KIAA1549L: variants seen among roughly 807,000 people sequenced by gnomAD.
The protein encoded by KIAA1549L is KIAA1549 like, also known as UPF0606 protein KIAA1549L.
A neutral mutation model predicts 160.7 loss-of-function variants in KIAA1549L; 88 were observed. The observed-to-expected ratio is 0.55, with a 90% CI of 0.46 to 0.65. KIAA1549L has a LOEUF of 0.65. Among genes scored for constraint, KIAA1549L ranks in the 30% least tolerant of loss-of-function variants. KIAA1549L has a pLI of 0.00. For synonymous variants in KIAA1549L, 950 were observed against 976.7 expected (o/e 0.97, Z 0.51); for missense variants, 2,258 against 2,437.5 (o/e 0.93, Z 1.55).
chr11:33,543,557 C>T lies in KIAA1549L; in HGVS notation c.1994C>T (p.Ala665Val), dbSNP rs749670752. 2.5e-6 allele frequency: 4 copies of T among 1,614,022 alleles called. No homozygotes were observed. The Admixed American group carries it at 5.0e-5, about 20-fold the overall frequency. The change falls in exon 2 of 21, where the codon GCT becomes GTT. Residue 665 changes from alanine to valine, a missense_variant. By Grantham distance (64) the Ala-to-Val change is moderately conservative. This residue lies in a region of KIAA1549L where 287 missense variants were observed against 292.3 expected (regional missense o/e 0.98). Coordinates refer to ENST00000658780, the MANE Select transcript of KIAA1549L (RefSeq NM_012194.3). ...GACCATTCTGGGTTGCCAGCTTCAG[C>T]TTCCAAACAGGTGAGAGCATCGCCC... is the stretch of plus-strand genomic sequence containing the variant. Reference protein sequence around the residue: ...AVDHSGLPASASKQVRASPSS... With the variant: ...AVDHSGLPASVSKQVRASPSS...
chr11:33,659,954 C>T (rs1401565589), intron 19 of KIAA1549L, among the ~76,000 whole-genome samples: 2 of 152,332 alleles, frequency 1.3e-5, no homozygotes, highest in Middle Eastern at 6.8e-3. Context: ...CTCTCATCCC[C>T]TAGCCACGGC....
At chr11:33,430,930 G>A (rs985423667) in intron 1 of KIAA1549L, among the ~76,000 whole-genome samples, 9 of 152,220 alleles carry the variant, frequency 5.9e-5, no homozygotes, top group African/African-American at 1.9e-4. Flanking sequence ...GAATGAAGCC[G>A]TGGACCCTCG....
At chr11:33,614,576 ATATATATATTTTT>A in intron 15 of KIAA1549L, among the ~76,000 whole-genome samples, 1 of 12,116 alleles carries the variant, frequency 8.3e-5, no homozygotes, top group African/African-American at 9.1e-4. Context: ...ATATATATAT[ATATATATATTTTT>A]TTTTTTTTTT....
At chr11:33,511,578 G>A (rs533028653) in intron 1 of KIAA1549L, among the ~76,000 whole-genome samples, 7 of 152,340 alleles carry the variant, frequency 4.6e-5, no homozygotes, top group East Asian at 1.9e-4. Context: ...ATTGAAATGC[G>A]TGGTTGCCCA....
At chr11:33,631,565 A>T (rs1846649894) in intron 16 of KIAA1549L, among the ~76,000 whole-genome samples, 1 of 152,170 alleles carries the variant, frequency 6.6e-6, no homozygotes. Context: ...AGTTGTGACA[A>T]CCAAAATACG....
chr11:33,507,243 A>G (rs150263308), intron 1 of KIAA1549L, among the ~76,000 whole-genome samples: 1 of 152,252 alleles, frequency 6.6e-6, no homozygotes, highest in Non-Finnish European at 1.5e-5. Context: ...CTCAGAGGGT[A>G]TAGAGTAAAA....
At chr11:33,530,070 G>A (rs1853703557) in intron 1 of KIAA1549L, among the ~76,000 whole-genome samples, 1 of 151,764 alleles carries the variant, frequency 6.6e-6, no homozygotes, top group Non-Finnish European at 1.5e-5. Flanking sequence ...ACTCCCCTTT[G>A]GGCCATTAGC....
chr11:33,552,679 C>A (rs1183387573), intron 6 of KIAA1549L, among the ~76,000 whole-genome samples: 1 of 147,620 alleles, frequency 6.8e-6, no homozygotes, highest in African/African-American at 2.6e-5. Flanking sequence ...CACACACACA[C>A]ACACACACAC....
Position 33,438,268 on chromosome 11 carries a change from C to G in KIAA1549L, c.238+61379C>G, listed in dbSNP as rs558344169. On this transcript the variant is annotated intron_variant, in intron 1 of 20. Transcript: ENST00000658780. The stretch of plus-strand genomic sequence containing the variant: ...GGTAGCCTAACTAAATTAATTGACC[C>G]ATTTAATCAAAACAAGCCAAGCTGG... 1.2e-4 allele frequency among the ~76,000 whole-genome samples: 19 copies of G among 152,260 alleles called. No individual in the cohort carries two copies. The South Asian group carries it at 2.5e-3, about 20-fold the overall frequency.
In KIAA1549L at chr11:33,671,614, A is replaced by ACACACACACACACACC. The variant is rs1392009671; in HGVS notation, c.*3463_*3464insACACACACACACCCAC. 6.6e-6 allele frequency: 1 copy of ACACACACACACACACC among 151,744 alleles called. No homozygotes were observed. The allele number at this position is 151,744 out of a possible 1,614,324, so 9.4% of individuals were successfully genotyped here. On this transcript the variant is annotated 3_prime_UTR_variant, in exon 21 of 21. Transcript: ENST00000658780. The stretch of plus-strand genomic sequence containing the variant: ...CACACACACACACACACACACACAC[A>ACACACACACACACACC]CACCCTACTTCGGAGAGAGAATGTA...
intron 1 of KIAA1549L, among the ~76,000 whole-genome samples, chr11:33,497,396 T>C (rs572934070): frequency 6.6e-6 from 1 of 152,278 alleles, no homozygotes; most frequent in South Asian, 2.1e-4. Flanking sequence ...TCTAGAAAAC[T>C]AAAAAGTCAT....
Position 33,594,312 on chromosome 11 carries a change from A to AT in KIAA1549L, c.4751+2900dup, listed in dbSNP as rs75754160. Among the ~76,000 whole-genome samples, 770 of 151,330 alleles carry AT rather than the reference A, an allele frequency of 5.1e-3. 5 individuals are homozygous for AT. The highest frequency in any genetic ancestry group is 0.018 in the African/African-American group (738 of 41,254). On this transcript the variant is annotated intron_variant, in intron 12 of 20. Coordinates refer to ENST00000658780, the MANE Select transcript of KIAA1549L (RefSeq NM_012194.3). ...AGCTTAATAACTTAAAACAACAACC[A>AT]TTTTTTTTTAGCTCATTATTTTGGT...
chr11:33,473,510 C>T (rs1852225724), intron 1 of KIAA1549L, among the ~76,000 whole-genome samples: 1 of 152,178 alleles, frequency 6.6e-6, no homozygotes, highest in African/African-American at 2.4e-5. Context: ...GAACTATCAG[C>T]AGTTTAAAGT....
chr11:33,492,357 ACT>A (rs1242781410), intron 1 of KIAA1549L, among the ~76,000 whole-genome samples: 1 of 152,014 alleles, frequency 6.6e-6, no homozygotes, highest in East Asian at 1.9e-4. Flanking sequence ...ACAGAGCAAG[ACT>A]CTGTCTCAAA....
intron 16 of KIAA1549L, among the ~76,000 whole-genome samples, chr11:33,634,285 C>A (rs368664354): frequency 0.011 from 1,659 of 151,972 alleles, 36 homozygotes; most frequent in African/African-American, 0.038. Flanking sequence ...TCAAGTGATC[C>A]ACCCACCTCG....
chr11:33,544,343 C>T lies in KIAA1549L; in HGVS notation c.2773+7C>T. 6.2e-7 allele frequency: 1 copy of T among 1,613,094 alleles called. No individual in the cohort carries two copies. Among genetic ancestry groups the T allele is most frequent in the Non-Finnish European group, 8.5e-7 (1 of 1,179,460 alleles). ...CACCCCAAGAAATGGACAGGTGCAG[C>T]CACTAATGCAGGTAGTTTGTTTCCC... is the stretch of plus-strand genomic sequence containing the variant. On this transcript the variant is annotated splice_region_variant and intron_variant, in intron 2 of 20. Transcript: ENST00000658780.
intron 1 of KIAA1549L, among the ~76,000 whole-genome samples, chr11:33,481,204 C>T (rs1852404826): frequency 6.6e-6 from 1 of 152,170 alleles, no homozygotes; most frequent in Non-Finnish European, 1.5e-5. Context: ...CAGTTCTTTA[C>T]ATGTGCTACT....
intron 12 of KIAA1549L, among the ~76,000 whole-genome samples, chr11:33,594,636 A>G (rs1347816862): frequency 2.0e-5 from 3 of 152,238 alleles, no homozygotes; most frequent in East Asian, 3.8e-4. Context: ...CATGGTTGCT[A>G]CTGTCCTCTT....
At chr11:33,531,733 G>A (rs997178683) in intron 1 of KIAA1549L, among the ~76,000 whole-genome samples, 1 of 152,192 alleles carries the variant, frequency 6.6e-6, no homozygotes, top group Admixed American at 6.5e-5. Flanking sequence ...AGGCAAGAAG[G>A]TCCCAGGTGC....
Sources: allele counts gnomAD v4.1 joint callset (sites outside exome capture counted in the v4.1 genomes callset), GRCh38; gene constraint gnomAD v4.1.1; regional missense constraint gnomAD v4.1.1; transcripts MANE v1.5; gene names NCBI Gene and HGNC (gene_info 2026-07-23, HGNC 2026-07-21).